The following SRGAP3 variants were observed in gnomAD, a reference collection of about 807,000 sequenced individuals.
SRGAP3 encodes the protein SLIT-ROBO Rho GTPase activating protein 3.
Under a neutral mutation model 121.1 loss-of-function variants are expected in SRGAP3, and 39 were observed. That is an observed-to-expected ratio of 0.32 (90% CI 0.25 to 0.42). SRGAP3 has a LOEUF of 0.42. Ranked by LOEUF, SRGAP3 falls within the 10% of genes least tolerant of loss-of-function variation. The probability of loss-of-function intolerance (pLI) is 1.00; values close to 1 mark genes in which losing one functional copy is unlikely to be tolerated. For synonymous variants in SRGAP3, 601 were observed against 570.0 expected, an observed-to-expected ratio of 1.05 and a Z score of -0.77; for missense variants, 1,213 against 1,470.6, an observed-to-expected ratio of 0.82 and a Z score of 2.86.
intron 1 of SRGAP3, among the ~76,000 whole-genome samples, chr3:9,149,677 C>T (rs1575147908): frequency 6.6e-6 from 1 of 152,150 alleles, no homozygotes; most frequent in East Asian, 1.9e-4. Flanking sequence ...GCTGCACTGC[C>T]CTAGTCACCT....
intron 21 of SRGAP3, among the ~76,000 whole-genome samples, chr3:8,987,121 T>A (rs1941758287): frequency 6.6e-6 from 1 of 152,216 alleles, no homozygotes; most frequent in African/African-American, 2.4e-5. Flanking sequence ...TCCCAGACAT[T>A]TACTGTGAAT....
chr3:9,356,355 CTAATTTTT>C (rs2030507157), intron 1 of SRGAP3, among the ~76,000 whole-genome samples: 1 of 131,890 alleles, frequency 7.6e-6, no homozygotes, highest in Admixed American at 8.7e-5. Flanking sequence ...TCATGGCCAG[CTAATTTTT>C]TTTTTTTTTT....
chr3:8,996,498 C>T (rs909814115), intron 18 of SRGAP3, among the ~76,000 whole-genome samples: 2 of 152,208 alleles, frequency 1.3e-5, no homozygotes, highest in African/African-American at 4.8e-5. Context: ...AGTCAGCTTC[C>T]CCAGCTAGCT....
chr3:9,156,575 G>A (rs1439641483), intron 1 of SRGAP3, among the ~76,000 whole-genome samples: 1 of 152,162 alleles, frequency 6.6e-6, no homozygotes, highest in African/African-American at 2.4e-5. Flanking sequence ...CCTTTCCCAG[G>A]TCAGGGAGCC....
chr3:9,307,758 A>C (rs542250451), intron 3 of SRGAP3, among the ~76,000 whole-genome samples: 20 of 152,340 alleles, frequency 1.3e-4, no homozygotes, highest in Middle Eastern at 6.8e-3. Flanking sequence ...AAAATCAGAG[A>C]ATCAAAAATT....
chr3:9,307,313 C>T (rs577821457), intron 3 of SRGAP3, among the ~76,000 whole-genome samples: 40 of 152,286 alleles, frequency 2.6e-4, no homozygotes, highest in Non-Finnish European at 4.4e-4. Flanking sequence ...ACTCCAGCAC[C>T]GCCAGGGCAT....
chr3:9,347,392 G>A (rs1955909758), intron 1 of SRGAP3, among the ~76,000 whole-genome samples: 1 of 152,028 alleles, frequency 6.6e-6, no homozygotes, highest in Non-Finnish European at 1.5e-5. Flanking sequence ...TAGAGACAGG[G>A]CAACTTTCAG....
At chr3:9,183,842 AC>A (rs554539540) in intron 1 of SRGAP3, among the ~76,000 whole-genome samples, 150 of 150,996 alleles carry the variant, frequency 9.9e-4, no homozygotes, top group Middle Eastern at 3.4e-3. Context: ...CCTAGCCTTA[AC>A]CCCCAGCCCC....
chr3:9,207,770 G>A (rs929755121), intron 1 of SRGAP3, among the ~76,000 whole-genome samples: 8 of 152,180 alleles, frequency 5.3e-5, no homozygotes, highest in Non-Finnish European at 1.0e-4. Context: ...CTCTTCAGCA[G>A]AAGCAATTCT....
chr3:9,182,378 C>T (rs904968693), intron 1 of SRGAP3, among the ~76,000 whole-genome samples: 7 of 151,780 alleles, frequency 4.6e-5, no homozygotes, highest in Non-Finnish European at 8.8e-5. Context: ...GGGAAGGTGA[C>T]GGGAAGATAC....
At chr3:9,204,913 T>C (rs1184410278) in intron 1 of SRGAP3, among the ~76,000 whole-genome samples, 2 of 152,262 alleles carry the variant, frequency 1.3e-5, no homozygotes, top group East Asian at 1.9e-4. Flanking sequence ...CGTTAAAGGC[T>C]GGACGTTACT....
intron 3 of SRGAP3, among the ~76,000 whole-genome samples, chr3:9,273,074 T>G (rs1954510261): frequency 6.6e-6 from 1 of 152,150 alleles, no homozygotes; most frequent in Non-Finnish European, 1.5e-5. Context: ...TGCAAGGAGA[T>G]GGTTTTGGGA....
chr3:9,347,198 C>G (rs115159633), intron 1 of SRGAP3, among the ~76,000 whole-genome samples: 470 of 152,234 alleles, frequency 3.1e-3, no homozygotes, highest in African/African-American at 0.011. Context: ...CAGGGTATTG[C>G]TCTGCTGCCC....
chr3:9,096,529 C>T (rs75840199), intron 3 of SRGAP3, among the ~76,000 whole-genome samples: 4,524 of 152,098 alleles, frequency 0.03, 83 homozygotes, highest in Middle Eastern at 0.11. Context: ...TTTTATCAGG[C>T]GGAGTTCCTA....
At chr3:9,083,957 T>A (rs1380906419) in intron 3 of SRGAP3, among the ~76,000 whole-genome samples, 1 of 152,176 alleles carries the variant, frequency 6.6e-6, no homozygotes, top group Non-Finnish European at 1.5e-5. Flanking sequence ...CAAAACAGTA[T>A]GGTCTAGATG....
In SRGAP3 at chr3:8,994,213, G is replaced by A; in HGVS notation, c.2408+130C>T. ...GGAAGTTAGATATTACCCATTGTTA[G>A]AGAAGAACAAGCGTATGATATCAAG... On this transcript the variant is annotated intron_variant, in intron 19 of 21. Coordinates refer to ENST00000383836, the MANE Select transcript of SRGAP3 (RefSeq NM_014850.4). 3.3e-6 allele frequency: 4 copies of A among 1,202,448 alleles called. No homozygotes were observed. The South Asian group carries it at 3.7e-5, about 11-fold the overall frequency. 74.5% of individuals were successfully genotyped at this position (1,202,448 alleles called of 1,614,324 possible).
chr3:9,184,732 G>A (rs1560369779), intron 1 of SRGAP3, among the ~76,000 whole-genome samples: 1 of 152,136 alleles, frequency 6.6e-6, no homozygotes. Context: ...AACGAACTAG[G>A]TGCTTTACAG....
chr3:9,102,167 A>G (rs1948241733), intron 3 of SRGAP3, among the ~76,000 whole-genome samples: 1 of 152,178 alleles, frequency 6.6e-6, no homozygotes, highest in African/African-American at 2.4e-5. Flanking sequence ...ATTCTTAGGG[A>G]TCACTGGCAA....
intron 2 of SRGAP3, among the ~76,000 whole-genome samples, chr3:9,121,868 C>A (rs531923231): frequency 6.6e-6 from 1 of 152,300 alleles, no homozygotes; most frequent in South Asian, 2.1e-4. Flanking sequence ...CTTGCTGGCT[C>A]CAGTGGCCAT....
Sources: allele counts gnomAD v4.1 joint callset (sites outside exome capture counted in the v4.1 genomes callset), GRCh38; gene constraint gnomAD v4.1.1; transcripts MANE v1.5; gene names NCBI Gene and HGNC (gene_info 2026-07-23, HGNC 2026-07-21).